The following PCDHA3 variants were observed in gnomAD, a reference collection of about 807,000 sequenced individuals.
PCDHA3 encodes protocadherin alpha-3.
A neutral mutation model predicts 62.2 loss-of-function variants in PCDHA3; 41 were observed. That is an observed-to-expected ratio of 0.66 (90% CI 0.51 to 0.86). The LOEUF (loss-of-function observed/expected upper bound fraction) is 0.86. PCDHA3 is among the 40% of genes least tolerant of loss of function. PCDHA3 has a pLI of 0.00. For synonymous variants in PCDHA3, 640 were observed against 555.4 expected (o/e 1.15, Z -2.14); for missense variants, 1,304 against 1,241.2 (o/e 1.05, Z -0.76).
At position 140,966,347 on chromosome 5, in the gene PCDHA3, G is replaced by A. The variant is rs189506336; in HGVS notation, c.2395-12602G>A. 6.3e-5 allele frequency: 25 copies of A among 397,502 alleles called. No homozygotes were observed. The East Asian group carries it at 8.6e-4, about 14-fold the overall frequency. The allele number at this position is 397,502 out of a possible 1,614,324, so 24.6% of individuals were successfully genotyped here. A position where few individuals can be genotyped will look rare whatever the true frequency, so the allele number is the denominator to read the frequency against. On this transcript the variant is annotated intron_variant, in intron 1 of 3. Transcript: ENST00000522353. ...GGGATCCGGCAGGTCCAGGGTGAAG[G>A]AGATGGGGCTGGAGAGGCTGAGCAG... is the stretch of plus-strand genomic sequence containing the variant.
chr5:140,817,485 T>C (rs1211625113), intron 1 of PCDHA3: 1 of 152,254 alleles, frequency 6.6e-6, no homozygotes, highest in Non-Finnish European at 1.5e-5. Context: ...GTTATCTTTT[T>C]AAGCTATATA....
chr5:140,939,488 T>C (rs1554212750), intron 1 of PCDHA3, among the ~76,000 whole-genome samples: 1 of 151,188 alleles, frequency 6.6e-6, no homozygotes, highest in Non-Finnish European at 1.5e-5. Flanking sequence ...AGAATGTTAA[T>C]TATAAATTCA....
chr5:140,825,182 T>C (rs1768472310), intron 1 of PCDHA3: 1 of 151,808 alleles, frequency 6.6e-6, no homozygotes. Context: ...CTAATGTATC[T>C]TGATGATCAT....
rs1166121837 is a variant in PCDHA3 at position 140,802,931 on chromosome 5, C to A, written c.1734C>A (p.Ser578Arg). Residue 578 changes from serine (S) to arginine (R), a missense_variant, in exon 1 of 4, where the codon AGC (serine) becomes AGA (arginine). By Grantham distance (110) the Ser-to-Arg change is moderately radical (BLOSUM62 -1). Transcript: ENST00000522353. ...PRVGGIGGAV[S>R]ELVPRSVGAG... ...TGGGTGGCATCGGTGGCGCAGTGAGCGAGCTGGTGCCGCGGTCAGTGGGTG... is the reference window on the plus strand; with the variant it reads ...TGGGTGGCATCGGTGGCGCAGTGAGAGAGCTGGTGCCGCGGTCAGTGGGTG... 6.2e-7 allele frequency: 1 copy of A among 1,613,784 alleles called. No homozygotes were observed. Among genetic ancestry groups the A allele is most frequent in the South Asian group, 1.1e-5 (1 of 91,056 alleles).
chr5:140,954,046 G>T (rs1554221229), intron 1 of PCDHA3, among the ~76,000 whole-genome samples: 1 of 152,124 alleles, frequency 6.6e-6, no homozygotes, highest in East Asian at 1.9e-4. Context: ...TTGGTTTTCT[G>T]TTCCTGCATT....
intron 1 of PCDHA3, among the ~76,000 whole-genome samples, chr5:140,908,903 C>T (rs116633080): frequency 2.5e-3 from 374 of 152,278 alleles, no homozygotes; most frequent in African/African-American, 8.5e-3. Context: ...AAGCCTCTTT[C>T]GTGGTTGTAG....
intron 1 of PCDHA3, chr5:140,876,403 G>A (rs1361779592): frequency 1.2e-6 from 2 of 1,613,820 alleles, no homozygotes. Context: ...ACTGGATTTT[G>A]AAGAGAATAA....
intron 1 of PCDHA3, among the ~76,000 whole-genome samples, chr5:140,844,717 G>A (rs1779511876): frequency 6.7e-6 from 1 of 149,352 alleles, no homozygotes. Context: ...TGGCCCATTA[G>A]TTCGTGTAAA....
intron 1 of PCDHA3, among the ~76,000 whole-genome samples, chr5:140,941,191 T>TTTTTTTCTTTCTTTCTTTC (rs1554213809): frequency 2.1e-5 from 2 of 93,258 alleles, no homozygotes; most frequent in Admixed American, 1.2e-4. Context: ...GCTTCTTTTT[T>TTTTTTTCTTTCTTTCTTTC]TTTCTTTCTT....
At chr5:140,839,227 T>C (rs1776100105) in intron 1 of PCDHA3, among the ~76,000 whole-genome samples, 1 of 152,010 alleles carries the variant, frequency 6.6e-6, no homozygotes, top group African/African-American at 2.4e-5. Context: ...AACTGTAATC[T>C]GTTTTTATTG....
rs936514432 is a variant in PCDHA3, at chr5:140,822,241, G to A, written c.2394+18650G>A. ...AGATTCGCGGTTTCCGCTAGAGGGC[G>A]CGTCGGATTTGGATATTGGAGCAAA... is the stretch of plus-strand genomic sequence containing the variant. On this transcript the variant is annotated intron_variant, in intron 1 of 3. Transcript: ENST00000522353. 1.2e-6 allele frequency: 2 copies of A among 1,614,110 alleles called. No individual in the cohort carries two copies. Among genetic ancestry groups the A allele is most frequent in the East Asian group, 2.2e-5 (1 of 44,902 alleles).
chr5:140,882,777 A>G (rs2059309071), intron 1 of PCDHA3: 1 of 1,614,096 alleles, frequency 6.2e-7, no homozygotes, highest in Non-Finnish European at 8.5e-7. Context: ...GCATTGACCT[A>G]CCGACTGGAT....
In PCDHA3 at chr5:140,831,519, CCTTT is replaced by C. The variant is rs1771594007; in HGVS notation, c.2394+27929_2394+27932del. On this transcript the variant is annotated intron_variant, in intron 1 of 3. Coordinates refer to ENST00000522353, the MANE Select transcript of PCDHA3 (RefSeq NM_018906.3). Reference sequence around the variant, plus strand: ...CACACGAGCACCACCATGCCCCCCACCTTTTTTTTTTTTTTTTTTTTTTTTAAGA... The same window carrying C: ...CACACGAGCACCACCATGCCCCCCACTTTTTTTTTTTTTTTTTTTTTAAGA... 7.3e-5 allele frequency among the ~76,000 whole-genome samples: 9 copies of C among 122,902 alleles called. No individual in the cohort carries two copies. In the South Asian group the frequency reaches 1.4e-3, roughly 19 times the overall value. The allele number at this position is 122,902 out of a possible 152,430, so 80.6% of individuals were successfully genotyped here.
chr5:140,822,084 C>T (rs2150113560), intron 1 of PCDHA3: 2 of 1,614,224 alleles, frequency 1.2e-6, no homozygotes, highest in Non-Finnish European at 1.7e-6. Context: ...AGTGCAGCAT[C>T]CACCTGGAGG....
intron 1 of PCDHA3, chr5:140,807,684 C>A (rs782583674): frequency 1.9e-6 from 3 of 1,614,118 alleles, no homozygotes; most frequent in Non-Finnish European, 2.5e-6. Context: ...GGGGAGAACG[C>A]CCTGCTCACT....
intron 1 of PCDHA3, among the ~76,000 whole-genome samples, chr5:140,978,306 A>C (rs2096795659): frequency 6.6e-6 from 1 of 152,230 alleles, no homozygotes; most frequent in Non-Finnish European, 1.5e-5. Flanking sequence ...GCACTCAGGA[A>C]GGAGCAGGAA....
chr5:140,870,206 T>G (rs1554163904), intron 1 of PCDHA3: 2 of 1,614,182 alleles, frequency 1.2e-6, no homozygotes, highest in Admixed American at 3.3e-5. Flanking sequence ...AGCACGGTCA[T>G]TGCCCTGATC....
chr5:140,913,082 CA>C (rs1341633290), intron 1 of PCDHA3, among the ~76,000 whole-genome samples: 2 of 152,108 alleles, frequency 1.3e-5, no homozygotes, highest in Non-Finnish European at 2.9e-5. Flanking sequence ...TGTTTGGTAT[CA>C]GGATAATACT....
chr5:140,823,543 G>A (rs2150126800), intron 1 of PCDHA3: 1 of 1,613,868 alleles, frequency 6.2e-7, no homozygotes, highest in Admixed American at 1.7e-5. Flanking sequence ...GGGCCACGTG[G>A]TGGCGAAGGT....
Sources: gnomAD v4.1 joint callset for allele counts (sites outside exome capture counted in the v4.1 genomes callset) on GRCh38, gnomAD v4.1.1 for gene constraint, MANE v1.5 for transcripts, NCBI Gene and HGNC (gene_info 2026-07-23, HGNC 2026-07-21) for gene names.